The following DNAH10 variants were observed in gnomAD, a reference collection of about 807,000 sequenced individuals.
DNAH10 encodes the protein dynein axonemal heavy chain 10, also known as axonemal beta dynein heavy chain 10.
DNAH10 carries 348 observed loss-of-function variants against 506.6 expected under a neutral mutation model. The observed-to-expected ratio is 0.69, with a 90% confidence interval of 0.63 to 0.75. The LOEUF is 0.75. DNAH10 is among the 30% of genes least tolerant of loss of function. DNAH10 has a pLI of 0.00. For missense variants in DNAH10, 5,179 were observed against 5,787.1 expected (o/e 0.89, Z 3.41); for synonymous variants, 2,059 against 2,198.6 (o/e 0.94, Z 1.78).
rs753220452 is a variant in DNAH10, at chr12:123,916,567, C to T, written c.10833C>T (p.Asp3611=). 5 of 1,613,772 alleles carry T rather than the reference C, an allele frequency of 3.1e-6. No individual in the cohort carries two copies. In the Admixed American group the frequency reaches 8.3e-5, roughly 27 times the overall value. The change falls in exon 63 of 79, where the codon GAC becomes GAT. Residue 3611 remains aspartate (D), a synonymous_variant. Coordinates refer to ENST00000673944, the MANE Select transcript of DNAH10 (RefSeq NM_001372106.1). This position sits in a 1 kb window ranked among gnomAD's most constrained non-coding sequence, Gnocchi z 4.6. ...ATGAATACATCGATCCTGTGATTGA[C>T]AACGTCTTAGAAAAAAATATAAAAG... is the stretch of plus-strand genomic sequence containing the variant. ...DVDEYIDPVI[D]NVLEKNIKVS...
At chr12:123,782,352 TCCC>T (rs1957690718) in intron 6 of DNAH10, among the ~76,000 whole-genome samples, 1 of 27,618 alleles carries the variant, frequency 3.6e-5, no homozygotes. Flanking sequence ...TCCCCTCCCC[TCCC>T]CTTCTCTCCC....
chr12:123,845,591 T>C lies in DNAH10; in HGVS notation c.5361-9T>C, dbSNP rs1950917372. On this transcript the variant is annotated splice_polypyrimidine_tract_variant and intron_variant, in intron 30 of 78. Coordinates refer to ENST00000673944, the MANE Select transcript of DNAH10 (RefSeq NM_001372106.1). ...ATCAGAGCCTCTTACAGGTGTGCGT[T>C]TTCTGCAGAGTCGACTGGATGCTCC... 6.2e-7 allele frequency: 1 copy of C among 1,611,784 alleles called. No individual in the cohort carries two copies. The highest frequency in any genetic ancestry group is 8.5e-7 in the Non-Finnish European group (1 of 1,179,710).
chr12:123,763,048 GAGGGTCCGAAGAGC>G (rs1956888360), intron 1 of DNAH10, among the ~76,000 whole-genome samples: 1 of 152,186 alleles, frequency 6.6e-6, no homozygotes, highest in Non-Finnish European at 1.5e-5. Flanking sequence ...GCCTCTCACG[GAGGGTCCGAAGAGC>G]ACCCCTTTCT....
intron 6 of DNAH10, 68 bp from the exon 7 acceptor site, chr12:123,783,039 C>G: frequency 3.3e-6 from 5 of 1,533,490 alleles, no homozygotes; most frequent in Non-Finnish European, 4.5e-6. Flanking sequence ...AGCCGGTGAA[C>G]TTGAATGTTT....
At chr12:123,914,772 G>A (rs1329669109) in intron 61 of DNAH10, 80 bp from the exon 62 acceptor site, 2 of 1,527,892 alleles carry the variant, frequency 1.3e-6, no homozygotes, top group East Asian at 2.3e-5. Context: ...GATTGTTCTG[G>A]AAGGCCAGTC....
chr12:123,878,204 C>T (rs1031991058), intron 48 of DNAH10, among the ~76,000 whole-genome samples: 1 of 152,200 alleles, frequency 6.6e-6, no homozygotes, highest in Admixed American at 6.5e-5. Context: ...TGGAATTTGC[C>T]TGCATGGAGC....
At chr12:123,884,102 C>T (rs1291593154) in intron 51 of DNAH10, among the ~76,000 whole-genome samples, 1 of 151,978 alleles carries the variant, frequency 6.6e-6, no homozygotes, top group Admixed American at 6.6e-5. Context: ...GACGTGATCT[C>T]GGCTCACTGC....
In DNAH10 at chr12:123,826,712, C is replaced by G. The variant is rs1442671842; in HGVS notation, c.4205C>G (p.Thr1402Ser). Residue 1402 changes from threonine (T) to serine (S), a missense_variant, in exon 25 of 79, where the codon ACC becomes AGC. Thr to Ser is a moderately conservative substitution (Grantham distance 58). Transcript: ENST00000673944. ...GTTGCAAAAGAAGAATGGTCTCAGA[C>G]CCTTTGGATCAACCTGAATGTGCAG... is the stretch of plus-strand genomic sequence containing the variant. ...LKVAKEEWSQ[T>S]LWINLNVQIL... The G allele has an allele frequency of 4.3e-6, 7 of 1,613,694 alleles. No homozygotes were observed. The highest frequency in any genetic ancestry group is 5.9e-6 in the Non-Finnish European group (7 of 1,179,748).
intron 56 of DNAH10, 31 bp downstream of exon 56, chr12:123,898,845 C>A: frequency 6.3e-7 from 1 of 1,575,694 alleles, no homozygotes; most frequent in Non-Finnish European, 8.6e-7. Context: ...GGCAGCCCAT[C>A]CCCAACACCC....
intron 27 of DNAH10, 53 bp from the exon 28 acceptor site, chr12:123,835,353 T>A: frequency 6.3e-7 from 1 of 1,595,300 alleles, no homozygotes; most frequent in South Asian, 1.1e-5. Context: ...TGCCATCCAC[T>A]TTTGGAGGTA....
intron 10 of DNAH10, 35 bp from the exon 11 acceptor site, chr12:123,789,892 A>T (rs762010871): frequency 1.9e-6 from 3 of 1,583,906 alleles, no homozygotes; most frequent in Non-Finnish European, 2.6e-6. Flanking sequence ...GAAAACCCAA[A>T]TGTAATCTCC....
chr12:123,801,300 C>T lies in DNAH10; in HGVS notation c.2482C>T (p.Arg828Cys), dbSNP rs752867858. The T allele has an allele frequency of 1.9e-5, 31 of 1,613,954 alleles. No homozygotes were observed. The highest frequency in any genetic ancestry group is 1.6e-4 in the South Asian group (15 of 91,048). The change falls in exon 16 of 79, where the codon CGC (arginine) becomes TGC (cysteine). Residue 828 changes from arginine (R) to cysteine (C), a missense_variant. By Grantham distance (180) the Arg-to-Cys change is radical (BLOSUM62 -3). Coordinates refer to ENST00000673944, the MANE Select transcript of DNAH10 (RefSeq NM_001372106.1). ...KFLRYTAGIQRMLDHYHMLIG... is the reference protein window; with the variant it reads ...KFLRYTAGIQCMLDHYHMLIG... ...GTGCAGGTACACAGCTGGGATACAGCGCATGTTGGATCATTATCACATGCT... is the reference window on the plus strand; with the variant it reads ...GTGCAGGTACACAGCTGGGATACAGTGCATGTTGGATCATTATCACATGCT...
intron 62 of DNAH10, among the ~76,000 whole-genome samples, chr12:123,915,751 T>C (rs1954450425): frequency 6.6e-6 from 1 of 152,208 alleles, no homozygotes; most frequent in Non-Finnish European, 1.5e-5. Context: ...ACAGACACAT[T>C]GTGTTCATCC....
chr12:123,922,040 G>A (rs1594389547), intron 65 of DNAH10, among the ~76,000 whole-genome samples: 1 of 150,840 alleles, frequency 6.6e-6, no homozygotes, highest in East Asian at 2.0e-4. Context: ...TATTGCTATT[G>A]TCTTTTCTCC....
In DNAH10 at chr12:123,808,969, C is replaced by A. The variant is rs1215815085; in HGVS notation, c.3144+16C>A. On this transcript the variant is annotated intron_variant, in intron 19 of 78. Coordinates refer to ENST00000673944, the MANE Select transcript of DNAH10 (RefSeq NM_001372106.1). ...GATCACCAAGGTGAGAGCGGAGGTG[C>A]TTGTGTCCTTGCTCAGACGGCATCT... The A allele has an allele frequency of 6.2e-7, 1 of 1,613,432 alleles. No homozygotes were observed. Among genetic ancestry groups the A allele is most frequent in the Admixed American group, 1.7e-5 (1 of 59,962 alleles).
intron 59 of DNAH10, among the ~76,000 whole-genome samples, chr12:123,912,294 T>C (rs184300282): frequency 4.2e-3 from 45 of 10,840 alleles, no homozygotes; most frequent in East Asian, 0.026. Context: ...GGGTCTGTCC[T>C]GGGGGGGGTC....
intron 11 of DNAH10, among the ~76,000 whole-genome samples, chr12:123,791,104 C>G (rs1354425296): frequency 6.6e-6 from 1 of 151,920 alleles, no homozygotes; most frequent in Non-Finnish European, 1.5e-5. Context: ...GTACTGCAGC[C>G]TGGGGGACAG....
At position 123,926,780 on chromosome 12, in the gene DNAH10, AT is replaced by A; in HGVS notation, c.12066del (p.Arg4023AlafsTer29). On this transcript the variant is annotated frameshift_variant, in exon 69 of 79. Coordinates refer to ENST00000673944, the MANE Select transcript of DNAH10 (RefSeq NM_001372106.1). LOFTEE classifies it high-confidence loss of function. The surrounding 1 kb of genome is among the most constrained non-coding windows in gnomAD (Gnocchi z 4.1). ...GCAGAGCGAAGTGGTTTTGGAGGAAATCGCCTCAAATTCCTTGCAATGGGTC... is the reference window on the plus strand; with the variant it reads ...GCAGAGCGAAGTGGTTTTGGAGGAAACGCCTCAAATTCCTTGCAATGGGTC... ...KLAERSGFGGNRLKFLAMGQG... is the reference protein window; with the variant it reads ...KLAERSGFGGXRLKFLAMGQG... The A allele has an allele frequency of 6.2e-7, 1 of 1,613,978 alleles. No homozygotes were observed. The highest frequency in any genetic ancestry group is 1.1e-5 in the South Asian group (1 of 91,074).
At chr12:123,870,641 G>A (rs1222800839) in intron 44 of DNAH10, among the ~76,000 whole-genome samples, 156 bp downstream of exon 44, 1 of 152,136 alleles carries the variant, frequency 6.6e-6, no homozygotes, top group East Asian at 1.9e-4. Flanking sequence ...GGGCCCTCCT[G>A]GGCATGGAGG....
Sources: allele counts gnomAD v4.1 joint callset (sites outside exome capture counted in the v4.1 genomes callset), GRCh38; gene constraint gnomAD v4.1.1; non-coding constraint Gnocchi (gnomAD v3.1); transcripts MANE v1.5; gene names NCBI Gene and HGNC (gene_info 2026-07-23, HGNC 2026-07-21).